EML1: variants seen among roughly 807,000 people sequenced by gnomAD.
EML1 encodes EMAP like 1.
EML1 carries 27 observed loss-of-function variants against 110.4 expected under a neutral mutation model. That is an observed-to-expected ratio of 0.24 (90% CI 0.18 to 0.34). The LOEUF (loss-of-function observed/expected upper bound fraction) is 0.34. Ranked by LOEUF, EML1 falls within the 10% of genes least tolerant of loss-of-function variation. The probability of loss-of-function intolerance (pLI) is 1.00; values close to 1 mark genes in which losing one functional copy is unlikely to be tolerated. For synonymous variants in EML1, 344 were observed against 385.8 expected, an observed-to-expected ratio of 0.89 and a Z score of 1.27; for missense variants, 741 against 1,030.9, an observed-to-expected ratio of 0.72 and a Z score of 3.85.
At position 99,901,183 on chromosome 14, in the gene EML1, G is replaced by A. The variant is rs1034214849; in HGVS notation, c.1008+144G>A. The A allele has an allele frequency of 5.9e-6, 4 of 677,282 alleles. No homozygotes were observed. The African/African-American group carries it at 7.2e-5, about 12-fold the overall frequency. The allele number at this position is 677,282 out of a possible 1,614,324, so 42.0% of individuals were successfully genotyped here. ...GACTCTGAAACATTCCTGCTTCCCA[G>A]AACCCCTCAGTCAGAGGTCATATGC... On this transcript the variant is annotated intron_variant, in intron 9 of 21. Coordinates refer to ENST00000262233, the MANE Select transcript of EML1 (RefSeq NM_004434.3).
At chr14:99,859,609 C>T (rs750046839) in intron 2 of EML1, among the ~76,000 whole-genome samples, 5 of 152,146 alleles carry the variant, frequency 3.3e-5, no homozygotes, top group East Asian at 1.9e-4. Context: ...ACTGGCGCCC[C>T]GGCCCCTGAA....
At chr14:99,817,234 A>G (rs551234541) in intron 1 of EML1, among the ~76,000 whole-genome samples, 250 of 152,324 alleles carry the variant, frequency 1.6e-3, no homozygotes, top group African/African-American at 5.7e-3. Flanking sequence ...TGGTTTGTCC[A>G]TCAGTTGTTC....
chr14:99,815,106 C>T (rs2058144820), intron 1 of EML1, among the ~76,000 whole-genome samples: 1 of 151,102 alleles, frequency 6.6e-6, no homozygotes, highest in Non-Finnish European at 1.5e-5. Flanking sequence ...TTGAGTTTCC[C>T]CTTATGCTAA....
At chr14:99,818,979 G>C (rs1224689609) in intron 1 of EML1, among the ~76,000 whole-genome samples, 1 of 152,012 alleles carries the variant, frequency 6.6e-6, no homozygotes, top group Non-Finnish European at 1.5e-5. Flanking sequence ...TTAGAGACAG[G>C]GTCTCGCTCT....
At chr14:99,822,946 A>C (rs1230919158) in intron 1 of EML1, among the ~76,000 whole-genome samples, 1 of 152,068 alleles carries the variant, frequency 6.6e-6, no homozygotes, top group Admixed American at 6.5e-5. Flanking sequence ...GCCCCACCAG[A>C]CATGCTGTTG....
intron 15 of EML1, 139 bp downstream of exon 15, chr14:99,914,836 A>G: frequency 9.1e-7 from 1 of 1,102,990 alleles, no homozygotes; most frequent in Non-Finnish European, 1.3e-6. Context: ...TTGCCTTAAC[A>G]TTGCAATTGC....
At chr14:99,808,416 C>A (rs539458249) in intron 1 of EML1, among the ~76,000 whole-genome samples, 88 of 152,260 alleles carry the variant, frequency 5.8e-4, no homozygotes, top group African/African-American at 2.0e-3. Flanking sequence ...ATACCAGAAA[C>A]ATTTCTTCAT....
chr14:99,779,585 G>C (rs1409362754), intron 1 of EML1, among the ~76,000 whole-genome samples: 2 of 152,152 alleles, frequency 1.3e-5, no homozygotes, highest in Admixed American at 1.3e-4. Flanking sequence ...GTCAACAGGC[G>C]AACTTCACTT....
At chr14:99,840,495 G>A (rs994340025) in intron 1 of EML1, among the ~76,000 whole-genome samples, 1 of 152,218 alleles carries the variant, frequency 6.6e-6, no homozygotes, top group Non-Finnish European at 1.5e-5. Flanking sequence ...GGAGGGCGCT[G>A]TGTGGCGTGG....
In EML1 at chr14:99,793,447, G is replaced by A; in HGVS notation, c.-30G>A. 3 of 1,039,040 alleles carry A rather than the reference G, an allele frequency of 2.9e-6. No homozygotes were observed. Among genetic ancestry groups the A allele is most frequent in the South Asian group, 8.7e-5 (2 of 22,910 alleles). The allele number at this position is 1,039,040 out of a possible 1,614,324, so 64.4% of individuals were successfully genotyped here. ...TGAGCGGCGGCGGCGCGGCCGGGCC[G>A]GGGAGCGGGCGCGGCCCGGCGGCCT... On this transcript the variant is annotated 5_prime_UTR_variant, in exon 1 of 22. Transcript: ENST00000262233.
At chr14:99,751,444 CAA>C (rs1442071568) in intron 1 of EML1, among the ~76,000 whole-genome samples, 2 of 152,252 alleles carry the variant, frequency 1.3e-5, no homozygotes, top group African/African-American at 4.8e-5. Flanking sequence ...CAGCTGCAGA[CAA>C]AGATGACAGT....
intron 11 of EML1, 132 bp downstream of exon 11, chr14:99,909,611 C>A: frequency 8.3e-7 from 1 of 1,199,616 alleles, no homozygotes; most frequent in Non-Finnish European, 1.2e-6. Flanking sequence ...CGTGTCACAC[C>A]TGGTAGATAA....
chr14:99,804,077 A>ACACTCCACTGTGT (rs2057929692), intron 1 of EML1, among the ~76,000 whole-genome samples: 1 of 152,256 alleles, frequency 6.6e-6, no homozygotes, highest in Non-Finnish European at 1.5e-5. Flanking sequence ...GTAATTAAGC[A>ACACTCCACTGTGT]GGATTGCCCA....
chr14:99,907,875 C>T (rs1395484236), intron 10 of EML1, 142 bp downstream of exon 10: 7 of 689,056 alleles, frequency 1.0e-5, no homozygotes, highest in South Asian at 3.9e-5. Context: ...CGTTTGGCCC[C>T]GATCCCTGTC....
intron 3 of EML1, among the ~76,000 whole-genome samples, chr14:99,869,140 T>A (rs995116775): frequency 6.6e-6 from 1 of 152,236 alleles, no homozygotes; most frequent in Non-Finnish European, 1.5e-5. Context: ...TTATTGTGTC[T>A]GGCTTTATTG....
intron 4 of EML1, among the ~76,000 whole-genome samples, chr14:99,883,922 C>A (rs1478025481): frequency 6.6e-6 from 1 of 152,198 alleles, no homozygotes; most frequent in African/African-American, 2.4e-5. Flanking sequence ...AAGCATTAGT[C>A]GAATGAATCT....
chr14:99,757,593 AG>A (rs1179345476), intron 1 of EML1, among the ~76,000 whole-genome samples: 1 of 152,246 alleles, frequency 6.6e-6, no homozygotes, highest in Non-Finnish European at 1.5e-5. Context: ...GCGTTTAATA[AG>A]CAAAAGCAAA....
At chr14:99,892,794 A>G (rs1465657521) in intron 5 of EML1, among the ~76,000 whole-genome samples, 1 of 152,074 alleles carries the variant, frequency 6.6e-6, no homozygotes, top group Non-Finnish European at 1.5e-5. Flanking sequence ...ATACATCCAC[A>G]CTCTGCATTT....
chr14:99,808,788 C>G (rs2058024255), intron 1 of EML1, among the ~76,000 whole-genome samples: 1 of 152,216 alleles, frequency 6.6e-6, no homozygotes, highest in Non-Finnish European at 1.5e-5. Flanking sequence ...ATCCAATTCA[C>G]TGCCCTTAGA....
Sources: allele counts gnomAD v4.1 joint callset (sites outside exome capture counted in the v4.1 genomes callset), GRCh38; gene constraint gnomAD v4.1.1; transcripts MANE v1.5; gene names NCBI Gene and HGNC (gene_info 2026-07-23, HGNC 2026-07-21).